CTNND2: variants seen among roughly 807,000 people sequenced by gnomAD.
The protein encoded by CTNND2 is catenin delta 2.
In CTNND2, 22 loss-of-function variants were observed where a neutral mutation model predicts 144.4. The observed-to-expected ratio is 0.15, with a 90% CI of 0.11 to 0.22. The LOEUF is 0.22. CTNND2 is among the 10% of genes least tolerant of loss of function. The pLI is 1.00. For synonymous variants in CTNND2, 751 were observed against 695.6 expected (o/e 1.08, Z -1.25); for missense variants, 1,353 against 1,618.8 (o/e 0.84, Z 2.82).
intron 3 of CTNND2, among the ~76,000 whole-genome samples, chr5:11,539,998 C>T (rs1379067687): frequency 6.6e-6 from 1 of 152,136 alleles, no homozygotes; most frequent in Non-Finnish European, 1.5e-5. Context: ...CGCACCACTG[C>T]ACTCCAGCCT....
At chr5:11,333,447 T>C (rs528328118) in intron 9 of CTNND2, among the ~76,000 whole-genome samples, 1 of 152,226 alleles carries the variant, frequency 6.6e-6, no homozygotes, top group South Asian at 2.1e-4. Context: ...TATTATTCTG[T>C]AGAGACAGGG....
At position 11,385,187 on chromosome 5, in the gene CTNND2, C is replaced by T. The variant is rs550349189; in HGVS notation, c.655G>A (p.Ala219Thr). Residue 219 changes from alanine (A) to threonine (T), a missense_variant, in exon 7 of 22, where the codon GCG becomes ACG. By Grantham distance (58) the Ala-to-Thr change is moderately conservative. Transcript: ENST00000304623. ...CGCGGCGGCGGCGGCGGCGGCGGCGCGGGCTCGGGCCCCGCCAGGTGGCCG... is the reference window on the plus strand; with the variant it reads ...CGCGGCGGCGGCGGCGGCGGCGGCGTGGGCTCGGGCCCCGCCAGGTGGCCG... ...RAGHLAGPEP[A>T]PPPPPPPREP... 1.7e-4 allele frequency: 182 copies of T among 1,046,834 alleles called. 1 individual carries two copies. The highest frequency in any genetic ancestry group is 7.1e-4 in the South Asian group (16 of 22,690). The allele number at this position is 1,046,834 out of a possible 1,614,324, so 64.8% of individuals were successfully genotyped here.
chr5:11,133,367 T>C (rs572901696), intron 12 of CTNND2, among the ~76,000 whole-genome samples: 3 of 152,312 alleles, frequency 2.0e-5, no homozygotes, highest in South Asian at 4.1e-4. Context: ...TTTTCTTTTT[T>C]TTGAGACGCA....
intron 3 of CTNND2, among the ~76,000 whole-genome samples, chr5:11,484,794 G>A (rs184465672): frequency 1.3e-5 from 2 of 152,214 alleles, no homozygotes; most frequent in South Asian, 4.2e-4. Flanking sequence ...ATGTAAAATA[G>A]CAAACAAGAC....
At chr5:11,758,206 T>A (rs1436064444) in intron 1 of CTNND2, among the ~76,000 whole-genome samples, 1 of 151,950 alleles carries the variant, frequency 6.6e-6, no homozygotes, top group Middle Eastern at 3.2e-3. Flanking sequence ...GATACCAATA[T>A]CTATTTAAAA....
intron 3 of CTNND2, among the ~76,000 whole-genome samples, chr5:11,464,090 T>G (rs1766453632): frequency 1.3e-5 from 2 of 152,130 alleles, no homozygotes; most frequent in Non-Finnish European, 2.9e-5. Context: ...TCTAAGTAGG[T>G]AGTAGATTTT....
At chr5:11,325,411 A>G (rs1192147956) in intron 9 of CTNND2, among the ~76,000 whole-genome samples, 1 of 152,014 alleles carries the variant, frequency 6.6e-6, no homozygotes, top group Non-Finnish European at 1.5e-5. Flanking sequence ...CAAGACATAT[A>G]TAATTATAAT....
chr5:11,650,097 A>G (rs1013511192), intron 2 of CTNND2, among the ~76,000 whole-genome samples: 6 of 152,120 alleles, frequency 3.9e-5, no homozygotes, highest in African/African-American at 1.4e-4. Context: ...TGTAATCCCC[A>G]ATGTTGGAGG....
intron 17 of CTNND2, among the ~76,000 whole-genome samples, chr5:11,018,791 A>ACCTCTG (rs1741904812): frequency 6.6e-6 from 1 of 150,706 alleles, no homozygotes; most frequent in Non-Finnish European, 1.5e-5. Flanking sequence ...GCTCACTGCA[A>ACCTCTG]CCTCTGCCTC....
intron 1 of CTNND2, among the ~76,000 whole-genome samples, chr5:11,863,650 T>G (rs2127031188): frequency 6.6e-6 from 1 of 152,292 alleles, no homozygotes; most frequent in South Asian, 2.1e-4. Context: ...CTTGGCAAAC[T>G]CATGTGCTAC....
intron 10 of CTNND2, among the ~76,000 whole-genome samples, chr5:11,201,581 G>A (rs1378210437): frequency 2.0e-5 from 3 of 152,170 alleles, no homozygotes; most frequent in Non-Finnish European, 4.4e-5. Context: ...AGCAGAAAAA[G>A]TGGAAATCTT....
intron 9 of CTNND2, among the ~76,000 whole-genome samples, chr5:11,259,475 A>G (rs1744635362): frequency 6.6e-6 from 1 of 152,184 alleles, no homozygotes; most frequent in South Asian, 2.1e-4. Flanking sequence ...GGACCATTAC[A>G]TGATGCAGCC....
intron 2 of CTNND2, among the ~76,000 whole-genome samples, chr5:11,606,264 T>A (rs73742878): frequency 0.015 from 2,248 of 152,220 alleles, 60 homozygotes; most frequent in African/African-American, 0.052. Context: ...CAGAAAGAAA[T>A]GCAGGCCTGA....
rs1580358604 is a variant in CTNND2, at chr5:11,127,340, G to A, written c.2160-9773C>T. ...ATCCCTCACCAGAGGTACCACTCCT[G>A]CCTCTTGTAGTTCCACGGCAGGTGG... is the stretch of plus-strand genomic sequence containing the variant. On this transcript the variant is annotated intron_variant, in intron 12 of 21. Transcript: ENST00000304623. Among the ~76,000 whole-genome samples the A allele has an allele frequency of 2.6e-5, 4 of 152,330 alleles. No individual in the cohort carries two copies. In the South Asian group the frequency reaches 8.3e-4, roughly 32 times the overall value.
intron 1 of CTNND2, among the ~76,000 whole-genome samples, chr5:11,757,154 C>A (rs1240859063): frequency 6.6e-6 from 1 of 151,626 alleles, no homozygotes; most frequent in Non-Finnish European, 1.5e-5. Flanking sequence ...TACATACATA[C>A]ATGCACATAC....
chr5:11,040,835 G>A (rs1744623177), intron 16 of CTNND2, among the ~76,000 whole-genome samples: 1 of 152,104 alleles, frequency 6.6e-6, no homozygotes, highest in Admixed American at 6.5e-5. Context: ...TCAATTCATT[G>A]ACTAATTTTA....
At chr5:11,218,487 G>T (rs1438763262) in intron 10 of CTNND2, among the ~76,000 whole-genome samples, 1 of 152,114 alleles carries the variant, frequency 6.6e-6, no homozygotes, top group Non-Finnish European at 1.5e-5. Context: ...GCATATCTTT[G>T]TGTGAAAACT....
intron 3 of CTNND2, among the ~76,000 whole-genome samples, chr5:11,535,004 T>G (rs568107321): frequency 6.6e-6 from 1 of 152,148 alleles, no homozygotes; most frequent in East Asian, 1.9e-4. Context: ...CTGGCCAACA[T>G]GACGAAACAC....
chr5:11,613,859 CT>C (rs1282485463), intron 2 of CTNND2, among the ~76,000 whole-genome samples: 1 of 152,088 alleles, frequency 6.6e-6, no homozygotes, highest in Non-Finnish European at 1.5e-5. Flanking sequence ...TTTTGCTCCC[CT>C]GTCTCTACAT....
Sources: gnomAD v4.1 joint callset for allele counts (sites outside exome capture counted in the v4.1 genomes callset) on GRCh38, gnomAD v4.1.1 for gene constraint, MANE v1.5 for transcripts, NCBI Gene and HGNC (gene_info 2026-07-23, HGNC 2026-07-21) for gene names.